Variants in PCDH11X observed in about 807,000 individuals in gnomAD.
PCDH11X encodes protocadherin 11 X-linked, also known as protocadherin-11 X-linked.
A neutral mutation model predicts 53.3 loss-of-function variants in PCDH11X; 18 were observed. That is an observed-to-expected ratio of 0.34 (90% confidence interval 0.23 to 0.50). The LOEUF (loss-of-function observed/expected upper bound fraction) is 0.50. Among genes scored for constraint, PCDH11X ranks in the 20% least tolerant of loss-of-function variants. The pLI, the probability that PCDH11X is intolerant of heterozygous loss-of-function variation, is 0.98. For missense variants in PCDH11X, 570 were observed against 1,032.4 expected, an observed-to-expected ratio of 0.55 and a Z score of 6.14; for synonymous variants, 279 against 393.3, an observed-to-expected ratio of 0.71 and a Z score of 3.44.
chrX:92,272,815 C>G (rs1179583473), intron 8 of PCDH11X, among the ~76,000 whole-genome samples: 1 of 112,106 alleles, frequency 8.9e-6, no homozygotes, highest in Admixed American at 9.5e-5. Context: ...CTTTGACATT[C>G]AAGGACCGCA....
chrX:92,034,434 A>T (rs1267498200), intron 6 of PCDH11X, among the ~76,000 whole-genome samples: 10 of 108,622 alleles, frequency 9.2e-5, no homozygotes. Flanking sequence ...CGTTGGGTGA[A>T]TATTTATTTA....
chrX:92,230,597 T>G, intron 7 of PCDH11X, among the ~76,000 whole-genome samples: 1 of 95,530 alleles, frequency 1.0e-5, no homozygotes, highest in Non-Finnish European at 2.0e-5. Flanking sequence ...ATATAAAATA[T>G]ATATATAATA....
chrX:92,220,906 G>A (rs2066855288), intron 7 of PCDH11X, among the ~76,000 whole-genome samples: 1 of 106,607 alleles, frequency 9.4e-6, no homozygotes, highest in Admixed American at 1.0e-4. Flanking sequence ...GTAAGGACAT[G>A]GATGAAATTG....
At chrX:91,936,752 A>G (rs888277321) in intron 6 of PCDH11X, among the ~76,000 whole-genome samples, 10 of 107,804 alleles carry the variant, frequency 9.3e-5, no homozygotes, top group African/African-American at 3.3e-4. Context: ...GAAGCCATAC[A>G]TGAATAAAGC....
intron 7 of PCDH11X, among the ~76,000 whole-genome samples, chrX:92,207,215 C>A (rs1326533018): frequency 9.0e-6 from 1 of 111,694 alleles, no homozygotes; most frequent in Non-Finnish European, 1.9e-5. Context: ...CTGTGCAATA[C>A]TTAGAGGAAG....
At chrX:92,381,604 A>G (rs1369371517) in intron 8 of PCDH11X, among the ~76,000 whole-genome samples, 1 of 111,933 alleles carries the variant, frequency 8.9e-6, no homozygotes, top group Non-Finnish European at 1.9e-5. Flanking sequence ...CGTTTATGCC[A>G]TTAATGACAA....
intron 10 of PCDH11X, among the ~76,000 whole-genome samples, chrX:92,475,780 C>T (rs1015952659): frequency 1.8e-4 from 20 of 111,657 alleles, no homozygotes; most frequent in Non-Finnish European, 3.6e-4. Flanking sequence ...CTACTCATAT[C>T]TCTTTCTCTA....
chrX:92,309,676 T>G (rs1190785347), intron 8 of PCDH11X, among the ~76,000 whole-genome samples: 1 of 111,832 alleles, frequency 8.9e-6, no homozygotes, highest in Non-Finnish European at 1.9e-5. Flanking sequence ...TTTTTCACAA[T>G]GAAAGAAACA....
intron 7 of PCDH11X, among the ~76,000 whole-genome samples, chrX:92,256,310 G>T (rs1035699207): frequency 9.1e-5 from 10 of 110,492 alleles, no homozygotes; most frequent in Non-Finnish European, 1.5e-4. Context: ...CTCGCGCACG[G>T]TGTGCACACC....
chrX:92,025,875 TA>T (rs1288568560), intron 6 of PCDH11X, among the ~76,000 whole-genome samples: 6 of 109,453 alleles, frequency 5.5e-5, no homozygotes, highest in Admixed American at 2.9e-4. Flanking sequence ...TATGCAACCA[TA>T]AAAAAGAAGG....
chrX:92,256,324 T>G (rs891899827), intron 7 of PCDH11X, among the ~76,000 whole-genome samples: 15 of 111,368 alleles, frequency 1.3e-4, no homozygotes, highest in Admixed American at 1.9e-4. Flanking sequence ...GCACACCCAC[T>G]GACCTGCACC....
chrX:92,561,587 A>G (rs1569504841), intron 10 of PCDH11X, among the ~76,000 whole-genome samples: 1 of 106,433 alleles, frequency 9.4e-6, no homozygotes, highest in East Asian at 3.0e-4. Flanking sequence ...AAGAAAGGCT[A>G]TAAAAAATAC....
chrX:92,036,951 T>C (rs949606230), intron 6 of PCDH11X, among the ~76,000 whole-genome samples: 5 of 111,916 alleles, frequency 4.5e-5, no homozygotes, highest in African/African-American at 1.6e-4. Flanking sequence ...GCAAGGGGAC[T>C]GGCGGTATTT....
At chrX:92,331,393 T>C (rs372827506) in intron 8 of PCDH11X, among the ~76,000 whole-genome samples, 6 of 62,566 alleles carry the variant, frequency 9.6e-5, no homozygotes, top group East Asian at 1.1e-3. Context: ...CCTCCTCCTC[T>C]TCCTTCTTCT....
chrX:91,923,935 C>T (rs1602501038), intron 6 of PCDH11X, among the ~76,000 whole-genome samples: 1 of 109,975 alleles, frequency 9.1e-6, no homozygotes, highest in Middle Eastern at 4.7e-3. Flanking sequence ...ACTATGCTCA[C>T]TAGCTGGGTG....
intron 5 of PCDH11X, among the ~76,000 whole-genome samples, chrX:91,847,040 C>T (rs1937710911): frequency 9.0e-6 from 1 of 111,020 alleles, no homozygotes; most frequent in East Asian, 2.8e-4. Context: ...ATTGCTTTCT[C>T]AAATGATTTT....
chrX:92,548,917 T>C (rs1020978208), intron 10 of PCDH11X, among the ~76,000 whole-genome samples: 1 of 107,656 alleles, frequency 9.3e-6, no homozygotes. Context: ...AGAAGGTCTT[T>C]AAAAATATCT....
At chrX:92,316,276 T>C (rs1341954021) in intron 8 of PCDH11X, among the ~76,000 whole-genome samples, 1 of 111,020 alleles carries the variant, frequency 9.0e-6, no homozygotes, top group Non-Finnish European at 1.9e-5. Flanking sequence ...GCAAATAATA[T>C]TGTAGAAATA....
chrX:92,531,863 T>A (rs2148726897), intron 10 of PCDH11X, among the ~76,000 whole-genome samples: 1 of 111,674 alleles, frequency 9.0e-6, no homozygotes, highest in Non-Finnish European at 1.9e-5. Flanking sequence ...CTAGTGTGGA[T>A]AATATAATGT....
Sources: allele counts gnomAD v4.1 joint callset (sites outside exome capture counted in the v4.1 genomes callset), GRCh38; gene constraint gnomAD v4.1.1; transcripts MANE v1.5; gene names NCBI Gene and HGNC (gene_info 2026-07-23, HGNC 2026-07-21).